GRID2: variants seen among roughly 807,000 people sequenced by gnomAD.
GRID2 encodes glutamate receptor ionotropic, delta-2.
Under a neutral mutation model 114.8 loss-of-function variants are expected in GRID2, and 33 were observed. That is an observed-to-expected ratio of 0.29 (90% CI 0.22 to 0.38). The LOEUF (loss-of-function observed/expected upper bound fraction) is 0.38, where lower values mean the gene tolerates loss of function less well. Among genes scored for constraint, GRID2 ranks in the 10% least tolerant of loss-of-function variants. GRID2 has a pLI of 1.00. For synonymous variants in GRID2, 505 were observed against 449.9 expected, an observed-to-expected ratio of 1.12 and a Z score of -1.55; for missense variants, 1,184 against 1,257.7, an observed-to-expected ratio of 0.94 and a Z score of 0.89.
At chr4:93,725,562 G>A (rs1164478585) in intron 14 of GRID2, among the ~76,000 whole-genome samples, 1 of 151,670 alleles carries the variant, frequency 6.6e-6, no homozygotes, top group South Asian at 2.1e-4. Flanking sequence ...TCGCCACACT[G>A]ACTTCCACAA....
rs572496118 is a variant in GRID2 at position 93,801,580 on chromosome 4, A to G, written c.222-5135A>G. The stretch of plus-strand genomic sequence containing the variant: ...AAATAATTAACTCCTCCTTCTATGT[A>G]GACTTTCTATTAATAATGTAAATAG... On this transcript the variant is annotated intron_variant, in intron 1 of 1. Coordinates refer to the GRID2 transcript ENST00000637838. Among the ~76,000 whole-genome samples the G allele has an allele frequency of 6.6e-5, 10 of 152,288 alleles. No homozygotes were observed. The South Asian group carries it at 1.9e-3, about 28-fold the overall frequency.
intron 1 of GRID2, among the ~76,000 whole-genome samples, chr4:92,521,307 T>C (rs1179120015): frequency 6.6e-6 from 1 of 151,970 alleles, no homozygotes; most frequent in Non-Finnish European, 1.5e-5. Flanking sequence ...TTTATCTATG[T>C]TATGCAAGTT....
Position 92,358,111 on chromosome 4 carries a change from C to G in GRID2, c.88+53367C>G, listed in dbSNP as rs377023420. Among the ~76,000 whole-genome samples, 98 of 151,820 alleles carry G rather than the reference C, an allele frequency of 6.5e-4. 1 individual carries two copies. The South Asian group carries it at 0.012, about 18-fold the overall frequency. On this transcript the variant is annotated intron_variant, in intron 1 of 15. Coordinates refer to ENST00000282020, the MANE Select transcript of GRID2 (RefSeq NM_001510.4). ...GAAAAGAAGAAAATAACAGAAGGAC[C>G]AGCACAAGTCAAAACAGAGAGGCAT...
intron 4 of GRID2, among the ~76,000 whole-genome samples, chr4:93,205,727 C>T (rs1017304111): frequency 2.6e-5 from 4 of 152,126 alleles, no homozygotes; most frequent in Non-Finnish European, 1.5e-5. Context: ...CCTAAGGAAT[C>T]GCCACACTGA....
intron 14 of GRID2, among the ~76,000 whole-genome samples, chr4:93,749,688 A>G (rs899260926): frequency 6.6e-6 from 1 of 152,186 alleles, no homozygotes; most frequent in Non-Finnish European, 1.5e-5. Context: ...CCGCTATGAC[A>G]CTTTCTTTGA....
At chr4:93,405,165 CTCT>C (rs1157539194) in intron 9 of GRID2, among the ~76,000 whole-genome samples, 4 of 151,990 alleles carry the variant, frequency 2.6e-5, no homozygotes, top group Admixed American at 6.6e-5. Context: ...TTTGTTTTGT[CTCT>C]TCTTCTGAGT....
intron 1 of GRID2, among the ~76,000 whole-genome samples, chr4:92,583,654 A>G (rs1728281385): frequency 6.8e-6 from 1 of 146,872 alleles, no homozygotes; most frequent in Admixed American, 6.9e-5. Flanking sequence ...GCAGATAATA[A>G]TTATATATAT....
chr4:92,414,455 A>C (rs1457895590), intron 1 of GRID2, among the ~76,000 whole-genome samples: 1 of 152,182 alleles, frequency 6.6e-6, no homozygotes, highest in Non-Finnish European at 1.5e-5. Flanking sequence ...TATTACATAA[A>C]CAAAAAGAGA....
At chr4:93,329,339 G>A (rs1002337146) in intron 8 of GRID2, among the ~76,000 whole-genome samples, 1 of 152,026 alleles carries the variant, frequency 6.6e-6, no homozygotes, top group African/African-American at 2.4e-5. Context: ...AACACCCTTA[G>A]TCTATAGTAT....
intron 2 of GRID2, among the ~76,000 whole-genome samples, chr4:92,919,334 T>A (rs1054446388): frequency 3.9e-5 from 6 of 152,190 alleles, no homozygotes; most frequent in South Asian, 2.1e-4. Context: ...TTAAAGGGTT[T>A]TTTGTGTCTC....
chr4:92,846,261 C>A (rs1407241390), intron 2 of GRID2, among the ~76,000 whole-genome samples: 1 of 152,054 alleles, frequency 6.6e-6, no homozygotes, highest in East Asian at 1.9e-4. Flanking sequence ...GATGATCCCA[C>A]CATCCTGGTA....
At chr4:92,515,847 G>C (rs945054915) in intron 1 of GRID2, among the ~76,000 whole-genome samples, 1 of 151,810 alleles carries the variant, frequency 6.6e-6, no homozygotes, top group Admixed American at 6.6e-5. Flanking sequence ...GACTTTCTAC[G>C]AAGGCAAATT....
chr4:93,731,382 G>C (rs1730471183), intron 14 of GRID2, among the ~76,000 whole-genome samples: 1 of 152,150 alleles, frequency 6.6e-6, no homozygotes, highest in African/African-American at 2.4e-5. Context: ...GAAGGCAAGG[G>C]AGAGCGGACA....
At chr4:93,372,153 A>C (rs1762993587) in intron 8 of GRID2, among the ~76,000 whole-genome samples, 1 of 152,212 alleles carries the variant, frequency 6.6e-6, no homozygotes, top group South Asian at 2.1e-4. Flanking sequence ...TATTAAAGAC[A>C]CACAAGTAAA....
chr4:93,377,886 A>G (rs1763516150), intron 8 of GRID2, among the ~76,000 whole-genome samples: 2 of 152,206 alleles, frequency 1.3e-5, no homozygotes. Flanking sequence ...ATTGTGTAAT[A>G]AAAGAATAAG....
At chr4:92,405,038 A>G (rs1008416677) in intron 1 of GRID2, among the ~76,000 whole-genome samples, 2 of 152,184 alleles carry the variant, frequency 1.3e-5, no homozygotes, top group South Asian at 4.1e-4. Flanking sequence ...TTAACATTAG[A>G]TTAAATTAAA....
chr4:92,699,356 A>T (rs576358335), intron 2 of GRID2, among the ~76,000 whole-genome samples: 225 of 152,284 alleles, frequency 1.5e-3, no homozygotes, highest in African/African-American at 5.3e-3. Flanking sequence ...GGCAGTTAAA[A>T]GCTCAATTTT....
At chr4:93,415,927 T>G (rs1767658820) in intron 9 of GRID2, among the ~76,000 whole-genome samples, 1 of 152,000 alleles carries the variant, frequency 6.6e-6, no homozygotes, top group Admixed American at 6.6e-5. Flanking sequence ...CTTTTATCAT[T>G]TGTAATTGTA....
chr4:92,655,936 C>G (rs977863641), intron 2 of GRID2, among the ~76,000 whole-genome samples: 5 of 151,594 alleles, frequency 3.3e-5, no homozygotes, highest in African/African-American at 9.7e-5. Context: ...ACATCCTTGT[C>G]TTGTTCAAGG....
Sources: allele counts gnomAD v4.1 joint callset (sites outside exome capture counted in the v4.1 genomes callset), GRCh38; gene constraint gnomAD v4.1.1; transcripts MANE v1.5; gene names NCBI Gene and HGNC (gene_info 2026-07-23, HGNC 2026-07-21).